Variants in UNC13B observed in about 807,000 individuals in gnomAD.
UNC13B encodes protein unc-13 homolog B.
Under a neutral mutation model 211.0 loss-of-function variants are expected in UNC13B, and 144 were observed. The ratio of observed to expected loss-of-function variants is 0.68; its 90% confidence interval spans 0.60 to 0.78. The LOEUF (loss-of-function observed/expected upper bound fraction) is 0.78, where lower values mean the gene tolerates loss of function less well. UNC13B is among the 30% of genes least tolerant of loss of function. The pLI is 0.00. For synonymous variants in UNC13B, 709 were observed against 725.8 expected (o/e 0.98, Z 0.37); for missense variants, 1,777 against 2,002.0 (o/e 0.89, Z 2.14).
intron 28 of UNC13B, 48 bp downstream of exon 28, chr9:35,396,985 C>G (rs1298174047): frequency 6.2e-7 from 1 of 1,609,818 alleles, no homozygotes; most frequent in Non-Finnish European, 8.5e-7. Context: ...GGTCTCCCAG[C>G]AATTAGCTAT....
At chr9:35,246,827 A>G (rs1053345550) in intron 6 of UNC13B, among the ~76,000 whole-genome samples, 8 of 152,092 alleles carry the variant, frequency 5.3e-5, no homozygotes, top group African/African-American at 1.4e-4. Context: ...TTGACTTGGC[A>G]ATGTGGGCTC....
chr9:35,258,116 C>T (rs1286818872), intron 6 of UNC13B, among the ~76,000 whole-genome samples: 1 of 152,226 alleles, frequency 6.6e-6, no homozygotes, highest in Non-Finnish European at 1.5e-5. Flanking sequence ...GTAACTCATT[C>T]ATTGGCAGTT....
Position 35,399,146 on chromosome 9 carries a change from T to C in UNC13B, c.12075-15T>C. 6.2e-7 allele frequency: 1 copy of C among 1,614,208 alleles called. No individual in the cohort carries two copies. Among genetic ancestry groups the C allele is most frequent in the Non-Finnish European group, 8.5e-7 (1 of 1,180,032 alleles). The stretch of plus-strand genomic sequence containing the variant: ...AAACTCTCACCCTGGTCTCACCTGT[T>C]GCCTGGACTTGCAGCCTCACCCTCT... On this transcript the variant is annotated splice_polypyrimidine_tract_variant and intron_variant, in intron 33 of 39. Transcript: ENST00000635942.
At chr9:35,284,067 C>T (rs748632885) in intron 7 of UNC13B, among the ~76,000 whole-genome samples, 36 of 152,088 alleles carry the variant, frequency 2.4e-4, no homozygotes, top group Admixed American at 5.2e-4. Flanking sequence ...TGAGACAAGC[C>T]TGGCCAACAT....
At chr9:35,361,960 G>A (rs2132126358) in intron 11 of UNC13B, 1 of 152,336 alleles carries the variant, frequency 6.6e-6, no homozygotes, top group East Asian at 1.9e-4. Context: ...AGGAAAGTAA[G>A]CTAGAACGGT....
At chr9:35,361,456 G>A (rs1213630599) in intron 11 of UNC13B, 1 of 152,190 alleles carries the variant, frequency 6.6e-6, no homozygotes, top group Non-Finnish European at 1.5e-5. Context: ...TACTGGTTAA[G>A]AGACTTATAC....
intron 11 of UNC13B, among the ~76,000 whole-genome samples, chr9:35,324,184 C>T (rs1453075865): frequency 2.0e-5 from 3 of 152,140 alleles, no homozygotes; most frequent in African/African-American, 4.8e-5. Flanking sequence ...AACTTCAGAG[C>T]TTGTCTTTTT....
chr9:35,394,334 G>A (rs1031261158), intron 26 of UNC13B, among the ~76,000 whole-genome samples: 5 of 152,138 alleles, frequency 3.3e-5, no homozygotes, highest in African/African-American at 1.2e-4. Flanking sequence ...GGGGGCTCAC[G>A]CCTGTAATCC....
At chr9:35,170,501 C>T (rs1005372428) in intron 1 of UNC13B, among the ~76,000 whole-genome samples, 2 of 151,262 alleles carry the variant, frequency 1.3e-5, no homozygotes, top group African/African-American at 4.9e-5. Context: ...CTGGATCTTG[C>T]TCTGTTGCCC....
rs771043101 is a variant in UNC13B at position 35,236,579 on chromosome 9, C to T, written c.263C>T (p.Ser88Leu). 1.5e-5 allele frequency: 25 copies of T among 1,613,444 alleles called. No individual in the cohort carries two copies. The highest frequency in any genetic ancestry group is 3.3e-4 in the Middle Eastern group (2 of 6,076). The change falls in exon 4 of 40, where the codon TCG becomes TTG. Residue 88 changes from serine to leucine, a missense_variant. Physicochemically the swap from Ser to Leu is moderately radical, Grantham distance 145 (BLOSUM62 -2). Coordinates refer to ENST00000635942, the MANE Select transcript of UNC13B (RefSeq NM_001371189.2). Reference sequence around the variant, plus strand: ...ATTGCGCTGAAGACTATTCGTCAGTCGGATGAGGTCAGTCATTGCATTTTC... The same window carrying T: ...ATTGCGCTGAAGACTATTCGTCAGTTGGATGAGGTCAGTCATTGCATTTTC... ...VWIALKTIRQ[S>L]DEEGPGEWST... is the part of the protein sequence containing the mutation.
chr9:35,214,428 AAAAC>A (rs534817374), intron 1 of UNC13B, among the ~76,000 whole-genome samples: 9 of 152,278 alleles, frequency 5.9e-5, no homozygotes, highest in Middle Eastern at 3.4e-3. Flanking sequence ...CTCTGTCTCA[AAAAC>A]AAACAAACAA....
chr9:35,381,517 T>G (rs1203244542), intron 19 of UNC13B, 39 bp from the exon 20 acceptor site: 1 of 1,583,754 alleles, frequency 6.3e-7, no homozygotes, highest in Non-Finnish European at 8.6e-7. Context: ...CTTTCATATG[T>G]GTTTAACCCA....
chr9:35,312,118 G>A (rs186345981), intron 10 of UNC13B, among the ~76,000 whole-genome samples: 147 of 152,264 alleles, frequency 9.7e-4, no homozygotes, highest in South Asian at 1.5e-3. Flanking sequence ...TTCCCCTGGC[G>A]GGGACAGTTG....
In UNC13B at chr9:35,317,200, G is replaced by C. The variant is rs939821104; in HGVS notation, c.9414+3211G>C. On this transcript the variant is annotated intron_variant, in intron 11 of 39. Transcript: ENST00000635942. ...ATAGACTGACGTGAGGCAAACAAAT[G>C]TTTGTTTATTTATTTATTGAGACAG... Among the ~76,000 whole-genome samples the C allele has an allele frequency of 1.4e-4, 22 of 152,196 alleles. 1 individual carries two copies. The highest frequency in any genetic ancestry group is 1.0e-3 in the South Asian group (5 of 4,818).
chr9:35,371,734 T>C (rs1049881010), intron 13 of UNC13B, among the ~76,000 whole-genome samples: 3 of 152,194 alleles, frequency 2.0e-5, no homozygotes, highest in African/African-American at 7.2e-5. Flanking sequence ...TAATACTCCT[T>C]AGAGTAGGTG....
At chr9:35,197,616 G>A (rs903532105) in intron 1 of UNC13B, among the ~76,000 whole-genome samples, 6 of 152,162 alleles carry the variant, frequency 3.9e-5, no homozygotes, top group Admixed American at 6.6e-5. Flanking sequence ...ATCTCATGTC[G>A]AATTGTATTG....
chr9:35,364,743 G>C (rs1221136514), intron 11 of UNC13B, among the ~76,000 whole-genome samples: 4 of 152,196 alleles, frequency 2.6e-5, no homozygotes, highest in Non-Finnish European at 5.9e-5. Context: ...CAGTTTGTGT[G>C]CATGCTCCTT....
At chr9:35,403,004 C>G (rs1836423716) in intron 37 of UNC13B, among the ~76,000 whole-genome samples, 163 bp from the exon 38 acceptor site, 1 of 152,176 alleles carries the variant, frequency 6.6e-6, no homozygotes, top group African/African-American at 2.4e-5. Context: ...AAGACACAGC[C>G]TTGTTCTTTA....
At chr9:35,189,433 A>G (rs1822530831) in intron 1 of UNC13B, among the ~76,000 whole-genome samples, 2 of 152,202 alleles carry the variant, frequency 1.3e-5, no homozygotes, top group African/African-American at 2.4e-5. Context: ...TAGCAAACCT[A>G]GTATCTAAGC....
Sources: gnomAD v4.1 joint callset for allele counts (sites outside exome capture counted in the v4.1 genomes callset) on GRCh38, gnomAD v4.1.1 for gene constraint, MANE v1.5 for transcripts, NCBI Gene and HGNC (gene_info 2026-07-23, HGNC 2026-07-21) for gene names.